SDK1: variants seen among roughly 807,000 people sequenced by gnomAD.
SDK1 encodes sidekick cell adhesion molecule 1, also known as protein sidekick-1.
A neutral mutation model predicts 245.5 loss-of-function variants in SDK1; 157 were observed. The ratio of observed to expected loss-of-function variants is 0.64; its 90% CI spans 0.56 to 0.73. SDK1 has a LOEUF of 0.73. Among genes scored for constraint, SDK1 ranks in the 30% least tolerant of loss-of-function variants. SDK1 has a pLI of 0.00. For synonymous variants in SDK1, 1,647 were observed against 1,278.5 expected (o/e 1.29, Z -6.15); for missense variants, 3,583 against 3,002.3 (o/e 1.19, Z -4.52).
At chr7:3,914,704 G>C (rs983329573) in intron 5 of SDK1, among the ~76,000 whole-genome samples, 1 of 152,224 alleles carries the variant, frequency 6.6e-6, no homozygotes, top group African/African-American at 2.4e-5. Context: ...GGTGACATGG[G>C]CTGGGAGGTG....
chr7:3,801,221 T>C (rs952684679), intron 4 of SDK1, among the ~76,000 whole-genome samples: 2 of 152,224 alleles, frequency 1.3e-5, no homozygotes, highest in African/African-American at 4.8e-5. Flanking sequence ...TTAAAATAGC[T>C]GAATGTAATA....
intron 1 of SDK1, among the ~76,000 whole-genome samples, chr7:3,511,973 A>C (rs1453540390): frequency 6.6e-6 from 1 of 150,748 alleles, no homozygotes; most frequent in Non-Finnish European, 1.5e-5. Context: ...CACCAGGATC[A>C]CCTGAAGTCC....
rs538489784 is a variant in SDK1 at position 3,950,870 on chromosome 7, G to T, written c.848-53G>T. 8.4e-5 allele frequency: 117 copies of T among 1,389,022 alleles called. No individual in the cohort carries two copies. In the East Asian group the frequency reaches 2.2e-3, roughly 26 times the overall value. 86.0% of individuals were successfully genotyped at this position (1,389,022 alleles called of 1,614,324 possible). ...AACGTGTCCCCTCAGATAACGGCGG[G>T]GGGTGCTCCTGTACTTAGAGTTTCA... On this transcript the variant is annotated intron_variant, in intron 5 of 44. Transcript: ENST00000404826.
At chr7:3,707,983 A>C (rs1405833946) in intron 4 of SDK1, among the ~76,000 whole-genome samples, 3 of 152,172 alleles carry the variant, frequency 2.0e-5, no homozygotes, top group Non-Finnish European at 4.4e-5. Flanking sequence ...GAAATACCTG[A>C]GACTGAGTAA....
intron 16 of SDK1, among the ~76,000 whole-genome samples, chr7:4,014,916 G>A (rs1240973057): frequency 1.3e-5 from 2 of 152,126 alleles, no homozygotes; most frequent in Admixed American, 6.5e-5. Flanking sequence ...GGAGGGGAGC[G>A]CAGGCTCTTT....
intron 4 of SDK1, among the ~76,000 whole-genome samples, chr7:3,724,850 C>G (rs941642580): frequency 6.6e-6 from 1 of 152,106 alleles, no homozygotes; most frequent in Non-Finnish European, 1.5e-5. Context: ...TTTCCACCAC[C>G]CTTCCACCGA....
intron 1 of SDK1, among the ~76,000 whole-genome samples, chr7:3,457,597 A>G (rs1032983780): frequency 1.3e-5 from 2 of 152,168 alleles, no homozygotes; most frequent in Admixed American, 1.3e-4. Context: ...CTATGTATTT[A>G]TGATTAGCTC....
Position 4,268,679 on chromosome 7 carries a change from G to A in SDK1, c.*3295G>A, listed in dbSNP as rs759781074. The A allele has an allele frequency of 7.3e-7, 1 of 1,367,874 alleles. No individual in the cohort carries two copies. The highest frequency in any genetic ancestry group is 1.9e-5 in the Admixed American group (1 of 52,584). The allele number at this position is 1,367,874 out of a possible 1,614,324, so 84.7% of individuals were successfully genotyped here. A position where few individuals can be genotyped will look rare whatever the true frequency, so the allele number is the denominator to read the frequency against. ...TTCTTACGCATTCTTGGCACACAGT[G>A]TAGCTATCCTCCTGACGAGCAACCC... On this transcript the variant is annotated 3_prime_UTR_variant, in exon 45 of 45. Coordinates refer to ENST00000404826, the MANE Select transcript of SDK1 (RefSeq NM_152744.4).
At chr7:3,709,285 G>T (rs1784968830) in intron 4 of SDK1, among the ~76,000 whole-genome samples, 1 of 152,236 alleles carries the variant, frequency 6.6e-6, no homozygotes, top group South Asian at 2.1e-4. Context: ...CTTTGGGCTT[G>T]TAAGGTTTCT....
At chr7:4,248,388 CAT>C (rs1382642065) in intron 44 of SDK1, among the ~76,000 whole-genome samples, 3 of 151,794 alleles carry the variant, frequency 2.0e-5, no homozygotes, top group South Asian at 2.1e-4. Flanking sequence ...CCTAAATACA[CAT>C]ATGCACACAT....
intron 4 of SDK1, among the ~76,000 whole-genome samples, chr7:3,786,283 T>A (rs1318945974): frequency 2.0e-5 from 3 of 152,164 alleles, no homozygotes; most frequent in Non-Finnish European, 4.4e-5. Flanking sequence ...ATAAGTAATC[T>A]CTGTTTTCCA....
chr7:3,920,697 G>A (rs1779555347), intron 5 of SDK1, among the ~76,000 whole-genome samples: 1 of 152,086 alleles, frequency 6.6e-6, no homozygotes, highest in Non-Finnish European at 1.5e-5. Context: ...GACTGTTTTA[G>A]GATTAATTTC....
At chr7:3,586,482 G>T (rs865848322) in intron 1 of SDK1, among the ~76,000 whole-genome samples, 2 of 151,756 alleles carry the variant, frequency 1.3e-5, no homozygotes, top group Non-Finnish European at 2.9e-5. Flanking sequence ...TGGATCACGA[G>T]GTCAGGAGAT....
At chr7:3,454,145 T>C (rs1327287162) in intron 1 of SDK1, among the ~76,000 whole-genome samples, 1 of 152,170 alleles carries the variant, frequency 6.6e-6, no homozygotes, top group Non-Finnish European at 1.5e-5. Context: ...CCGAGATCAA[T>C]TGGTTGCCTG....
chr7:4,221,500 T>A, intron 40 of SDK1, 136 bp downstream of exon 40: 2 of 1,114,128 alleles, frequency 1.8e-6, no homozygotes, highest in East Asian at 2.6e-5. Flanking sequence ...GCGGTTTTGG[T>A]GAAAGAAGAC....
At chr7:3,782,659 T>C (rs1249375292) in intron 4 of SDK1, among the ~76,000 whole-genome samples, 1 of 152,208 alleles carries the variant, frequency 6.6e-6, no homozygotes, top group Non-Finnish European at 1.5e-5. Flanking sequence ...AACAAGATGG[T>C]ATATTCAAAG....
intron 5 of SDK1, among the ~76,000 whole-genome samples, chr7:3,841,340 A>G (rs765075696): frequency 6.6e-6 from 1 of 152,168 alleles, no homozygotes; most frequent in Non-Finnish European, 1.5e-5. Flanking sequence ...CATCCTTTGG[A>G]TAATGATTCT....
Position 3,301,741 on chromosome 7 carries a change from G to A in SDK1, c.155G>A (p.Arg52Gln), listed in dbSNP as rs1291204042. The change falls in exon 1 of 45, where the codon CGG (arginine) becomes CAG (glutamine). Residue 52 changes from arginine to glutamine, a missense_variant. By Grantham distance (43) the Arg-to-Gln change is conservative (BLOSUM62 1). Coordinates refer to ENST00000404826, the MANE Select transcript of SDK1 (RefSeq NM_152744.4). ...PRPGPEPSRPRAAPETSGGDT... is the reference protein window; with the variant it reads ...PRPGPEPSRPQAAPETSGGDT... ...CCCGGCCCGGAGCCCTCGCGACCCC[G>A]GGCGGCGCCCGAGACCTCCGGCGGG... The A allele has an allele frequency of 1.2e-5, 12 of 979,952 alleles. No individual in the cohort carries two copies. Among genetic ancestry groups the A allele is most frequent in the Non-Finnish European group, 1.4e-5 (12 of 828,046 alleles). 60.7% of individuals were successfully genotyped at this position (979,952 alleles called of 1,614,324 possible). A position where few individuals can be genotyped will look rare whatever the true frequency, so the allele number is the denominator to read the frequency against.
intron 4 of SDK1, among the ~76,000 whole-genome samples, chr7:3,678,938 A>C (rs987680711): frequency 3.3e-5 from 5 of 152,210 alleles, no homozygotes; most frequent in Admixed American, 6.5e-5. Flanking sequence ...TTAAATGAAC[A>C]ACAACAACAA....
Sources: gnomAD v4.1 joint callset for allele counts (sites outside exome capture counted in the v4.1 genomes callset) on GRCh38, gnomAD v4.1.1 for gene constraint, MANE v1.5 for transcripts, NCBI Gene and HGNC (gene_info 2026-07-23, HGNC 2026-07-21) for gene names.